VAV3: variants seen among roughly 807,000 people sequenced by gnomAD.
The protein encoded by VAV3 is vav guanine nucleotide exchange factor 3.
Under a neutral mutation model 131.2 loss-of-function variants are expected in VAV3, and 94 were observed. That is an observed-to-expected ratio of 0.72 (90% CI 0.61 to 0.85). VAV3 has a LOEUF of 0.85. VAV3 is among the 40% of genes least tolerant of loss of function. VAV3 has a pLI of 0.00. For missense variants in VAV3, 939 were observed against 1,002.7 expected, an observed-to-expected ratio of 0.94 and a Z score of 0.86; for synonymous variants, 349 against 342.0, an observed-to-expected ratio of 1.02 and a Z score of -0.22.
rs755336967 is a variant in VAV3, at chr1:107,602,461, A to G, written c.2156T>C (p.Ile719Thr). The change falls in exon 24 of 27, where the codon ATC (isoleucine) becomes ACC (threonine). Residue 719 changes from isoleucine (I) to threonine (T), a missense_variant. Transcript: ENST00000370056. Reference sequence around the variant, plus strand: ...AAAGCCATCTCTTGTTAAAATCTTGATGTGCTTTGCTTCATTATTGTACCT... The same window carrying G: ...AAAGCCATCTCTTGTTAAAATCTTGGTGTGCTTTGCTTCATTATTGTACCT... The part of the protein sequence containing the change: ...SIKYNNEAKH[I>T]KILTRDGFFH... The G allele has an allele frequency of 1.6e-5, 25 of 1,576,170 alleles. No homozygotes were observed. Among genetic ancestry groups the G allele is most frequent in the Non-Finnish European group, 2.1e-5 (24 of 1,168,630 alleles).
intron 19 of VAV3, among the ~76,000 whole-genome samples, chr1:107,675,470 A>G (rs1489802724): frequency 6.6e-6 from 1 of 152,192 alleles, no homozygotes; most frequent in Non-Finnish European, 1.5e-5. Flanking sequence ...AGTCTATACC[A>G]CCACACAGGG....
intron 19 of VAV3, among the ~76,000 whole-genome samples, chr1:107,644,934 TAGTATACTCTGTATACTCGAGTATACAG>T (rs1655623125): frequency 1.6e-5 from 1 of 63,654 alleles, no homozygotes; most frequent in Non-Finnish European, 4.2e-5. Context: ...ATGTATACAC[TAGTATACTCTGTATACTCGAGTATACAG>T]AGTATACACT....
intron 2 of VAV3, among the ~76,000 whole-genome samples, chr1:107,854,209 A>G (rs183350700): frequency 6.6e-6 from 1 of 152,252 alleles, no homozygotes; most frequent in African/African-American, 2.4e-5. Flanking sequence ...ACTCTGGAGG[A>G]TGGGACATGA....
intron 2 of VAV3, among the ~76,000 whole-genome samples, chr1:107,841,081 G>GAGACT (rs1053519364): frequency 1.3e-5 from 2 of 152,168 alleles, no homozygotes; most frequent in African/African-American, 4.8e-5. Context: ...GTACCAAAGG[G>GAGACT]AGACCACTCA....
At chr1:107,727,354 A>G (rs1402529907) in intron 15 of VAV3, among the ~76,000 whole-genome samples, 1 of 152,206 alleles carries the variant, frequency 6.6e-6, no homozygotes, top group Non-Finnish European at 1.5e-5. Flanking sequence ...GATCTCCACA[A>G]TTAAATCTTG....
chr1:107,573,438 A>G, intron 26 of VAV3, 66 bp from the exon 27 acceptor site: 1 of 1,595,020 alleles, frequency 6.3e-7, no homozygotes, highest in Non-Finnish European at 8.5e-7. Flanking sequence ...GGATTCTACA[A>G]ACAGAGTATT....
chr1:107,601,693 C>A (rs139243056), intron 24 of VAV3, among the ~76,000 whole-genome samples: 2 of 152,130 alleles, frequency 1.3e-5, no homozygotes, highest in Non-Finnish European at 2.9e-5. Context: ...CTGTTAGCAA[C>A]GCATACATGA....
Position 107,574,177 on chromosome 1 carries a change from C to T in VAV3, c.2372G>A (p.Gly791Asp), listed in dbSNP as rs771315794. The change falls in exon 26 of 27, where the codon GGC becomes GAC. Residue 791 changes from glycine to aspartate, a missense_variant. By Grantham distance (94) the Gly-to-Asp change is moderately conservative. Coordinates refer to ENST00000370056, the MANE Select transcript of VAV3 (RefSeq NM_006113.5). The part of the protein sequence containing the change: ...GNSLLSPKVL[G>D]IAIARYDFCA... ...GAAGTCATACCGAGCGATGGCAATG[C>T]CCAGCACTTTTGGACTTAACACTGT... 6 of 1,613,582 alleles carry T rather than the reference C, an allele frequency of 3.7e-6. No homozygotes were observed. Among genetic ancestry groups the T allele is most frequent in the Admixed American group, 1.7e-5 (1 of 59,980 alleles).
chr1:107,842,476 A>G (rs934875406), intron 2 of VAV3, among the ~76,000 whole-genome samples: 4 of 152,164 alleles, frequency 2.6e-5, no homozygotes, highest in Non-Finnish European at 4.4e-5. Context: ...TGTGAGCCAA[A>G]CTGGAAATTG....
At chr1:107,634,613 T>C (rs1364099986) in intron 20 of VAV3, among the ~76,000 whole-genome samples, 2 of 151,948 alleles carry the variant, frequency 1.3e-5, no homozygotes, top group Non-Finnish European at 2.9e-5. Context: ...AAAGCCAAAA[T>C]TGACAAATGG....
chr1:107,699,297 C>G (rs1163283764), intron 17 of VAV3, among the ~76,000 whole-genome samples: 1 of 152,258 alleles, frequency 6.6e-6, no homozygotes, highest in Non-Finnish European at 1.5e-5. Flanking sequence ...CCTACAGGCC[C>G]CATGCAAGTC....
intron 19 of VAV3, among the ~76,000 whole-genome samples, chr1:107,646,967 C>CT (rs562577481): frequency 6.6e-6 from 1 of 151,548 alleles, no homozygotes; most frequent in Non-Finnish European, 1.5e-5. Flanking sequence ...GACACATGTG[C>CT]TTTTTTTAAA....
At chr1:107,638,004 T>C (rs552314602) in intron 20 of VAV3, among the ~76,000 whole-genome samples, 3 of 152,326 alleles carry the variant, frequency 2.0e-5, no homozygotes, top group African/African-American at 7.2e-5. Context: ...GAGAAAAATC[T>C]GACATCTATT....
rs542570876 is a variant in VAV3 at position 107,718,601 on chromosome 1, A to C, written c.1503-13540T>G. On this transcript the variant is annotated intron_variant, in intron 15 of 26. Coordinates refer to ENST00000370056, the MANE Select transcript of VAV3 (RefSeq NM_006113.5). ...GAACATTCCATGCTCATGGATAGGA[A>C]GAATCAATATCATGAAAATGGCCAT... 4.6e-5 allele frequency among the ~76,000 whole-genome samples: 7 copies of C among 152,322 alleles called. No individual in the cohort carries two copies. In the South Asian group the frequency reaches 1.5e-3, roughly 32 times the overall value.
intron 2 of VAV3, among the ~76,000 whole-genome samples, chr1:107,832,676 G>C (rs1668306409): frequency 6.6e-6 from 1 of 152,164 alleles, no homozygotes; most frequent in African/African-American, 2.4e-5. Flanking sequence ...CGGTAGAAAT[G>C]GCTCCCCTTG....
intron 2 of VAV3, among the ~76,000 whole-genome samples, chr1:107,795,735 T>A (rs1285033585): frequency 6.6e-6 from 1 of 152,252 alleles, no homozygotes; most frequent in Non-Finnish European, 1.5e-5. Context: ...CTTTAATAGT[T>A]TAGAAACAGA....
chr1:107,861,049 A>T (rs946729804), intron 2 of VAV3, among the ~76,000 whole-genome samples: 16 of 151,708 alleles, frequency 1.1e-4, no homozygotes, highest in African/African-American at 3.9e-4. Flanking sequence ...ATAATTCATT[A>T]TCCATAACTG....
At chr1:107,889,584 T>C (rs768702009) in intron 1 of VAV3, among the ~76,000 whole-genome samples, 17 of 152,140 alleles carry the variant, frequency 1.1e-4, no homozygotes, top group Non-Finnish European at 2.1e-4. Flanking sequence ...CTATTATGGC[T>C]GTTTAAAAAT....
At chr1:107,644,605 C>CTT (rs1557729020) in intron 19 of VAV3, among the ~76,000 whole-genome samples, 1 of 152,078 alleles carries the variant, frequency 6.6e-6, no homozygotes, top group African/African-American at 2.4e-5. Context: ...AAGGGAGCAG[C>CTT]GTCATGTGAC....
Sources: allele counts gnomAD v4.1 joint callset (sites outside exome capture counted in the v4.1 genomes callset), GRCh38; gene constraint gnomAD v4.1.1; transcripts MANE v1.5; gene names NCBI Gene and HGNC (gene_info 2026-07-23, HGNC 2026-07-21).